Variants in ARHGEF4 observed in about 807,000 individuals in gnomAD.
The protein encoded by ARHGEF4 is APC-stimulated guanine nucleotide exchange factor 1.
A neutral mutation model predicts 162.0 loss-of-function variants in ARHGEF4; 119 were observed. The observed-to-expected ratio is 0.73, with a 90% CI of 0.63 to 0.86. The LOEUF (loss-of-function observed/expected upper bound fraction) is 0.86. Among genes scored for constraint, ARHGEF4 ranks in the 40% least tolerant of loss-of-function variants. The pLI is 0.00. For missense variants in ARHGEF4, 2,488 were observed against 2,456.0 expected (o/e 1.01, Z -0.28); for synonymous variants, 1,014 against 979.9 (o/e 1.03, Z -0.65).
intron 4 of ARHGEF4, among the ~76,000 whole-genome samples, chr2:130,995,698 C>T (rs1447987953): frequency 3.9e-5 from 6 of 152,094 alleles, no homozygotes; most frequent in Admixed American, 3.9e-4. Context: ...TACTTCGGTC[C>T]AATTTCTAAT....
At chr2:131,037,628 C>T (rs988231562) in intron 5 of ARHGEF4, among the ~76,000 whole-genome samples, 7 of 152,216 alleles carry the variant, frequency 4.6e-5, no homozygotes, top group Admixed American at 4.6e-4. Flanking sequence ...TCCTCCTCTC[C>T]TGCCCTAAGG....
intron 4 of ARHGEF4, chr2:130,963,799 AGCCGCGCGC>A (rs1165822825): frequency 1.8e-5 from 2 of 108,970 alleles, no homozygotes; most frequent in African/African-American, 6.8e-5. Context: ...CCTCGCTCCG[AGCCGCGCGC>A]GCCCCGCGCC....
chr2:131,014,698 C>T lies in ARHGEF4; in HGVS notation c.3986-13247C>T, dbSNP rs117497553. 5.6e-4 allele frequency among the ~76,000 whole-genome samples: 85 copies of T among 152,286 alleles called. 1 individual carries two copies. The East Asian group carries it at 0.015, about 26-fold the overall frequency. Reference sequence around the variant, plus strand: ...TCTCTTTCTCTCTGTGCCACACTTTCTTCTCTGGCATTTTAAAAGCAGTGG... The same window carrying T: ...TCTCTTTCTCTCTGTGCCACACTTTTTTCTCTGGCATTTTAAAAGCAGTGG... On this transcript the variant is annotated intron_variant, in intron 4 of 13. Transcript: ENST00000409359.
Position 130,916,349 on chromosome 2 carries a change from G to A in ARHGEF4, c.2403G>A (p.Arg801=), listed in dbSNP as rs1159734740. 4 of 1,542,994 alleles carry A rather than the reference G, an allele frequency of 2.6e-6. No homozygotes were observed. Among genetic ancestry groups the A allele is most frequent in the East Asian group, 4.9e-5 (2 of 40,622 alleles). The change falls in exon 2 of 14, where the codon AGG becomes AGA. Residue 801 remains arginine, a synonymous_variant. Coordinates refer to ENST00000409359, the MANE Select transcript of ARHGEF4 (RefSeq NM_001367493.1). Reference sequence around the variant, plus strand: ...CGTTTTCCAAGGTGACCTCCTTCAGGAAGGGCAGGCCCTTGGCCACTGAGA... The same window carrying A: ...CGTTTTCCAAGGTGACCTCCTTCAGAAAGGGCAGGCCCTTGGCCACTGAGA... ...RPTFSKVTSF[R]KGRPLATESP...
chr2:130,940,247 G>A (rs952666726), intron 3 of ARHGEF4, among the ~76,000 whole-genome samples: 1 of 152,144 alleles, frequency 6.6e-6, no homozygotes, highest in African/African-American at 2.4e-5. Flanking sequence ...CAGAGAGGAG[G>A]AGGTGGGTAA....
intron 1 of ARHGEF4, among the ~76,000 whole-genome samples, chr2:130,844,515 C>G (rs1218682409): frequency 6.6e-6 from 1 of 152,224 alleles, no homozygotes; most frequent in Non-Finnish European, 1.5e-5. Context: ...CGATTTGTCT[C>G]TCTTCCACAG....
chr2:130,989,558 T>C (rs1380204053), intron 4 of ARHGEF4, among the ~76,000 whole-genome samples: 1 of 152,186 alleles, frequency 6.6e-6, no homozygotes, highest in African/African-American at 2.4e-5. Context: ...AAAGAACAAG[T>C]GTCAAAACGG....
chr2:131,035,821 C>A, intron 5 of ARHGEF4: 1 of 985,384 alleles, frequency 1.0e-6, no homozygotes, highest in Non-Finnish European at 1.2e-6. Context: ...ACAGCTGCCC[C>A]CACCCTGCAC....
intron 4 of ARHGEF4, among the ~76,000 whole-genome samples, chr2:131,016,692 A>C (rs1461240492): frequency 6.6e-6 from 1 of 152,236 alleles, no homozygotes; most frequent in African/African-American, 2.4e-5. Flanking sequence ...ATGCAGACAC[A>C]ACCTGGGGGC....
intron 4 of ARHGEF4, among the ~76,000 whole-genome samples, chr2:131,020,829 T>G (rs1169479150): frequency 6.6e-6 from 1 of 152,200 alleles, no homozygotes; most frequent in Non-Finnish European, 1.5e-5. Flanking sequence ...GTGTTCCTAT[T>G]TCTCCACATC....
intron 11 of ARHGEF4, 23 bp downstream of exon 11, chr2:131,043,606 C>T (rs751302110): frequency 9.9e-6 from 16 of 1,613,196 alleles, no homozygotes; most frequent in Non-Finnish European, 1.3e-5. Context: ...CTCTGCCCTG[C>T]TGCCCCAAGT....
At chr2:130,991,790 C>T (rs890499136) in intron 4 of ARHGEF4, among the ~76,000 whole-genome samples, 19 of 152,376 alleles carry the variant, frequency 1.2e-4, no homozygotes, top group African/African-American at 3.8e-4. Flanking sequence ...TGCTCCACAG[C>T]GCCCAGTCCC....
At chr2:130,869,836 T>G (rs945803853) in intron 1 of ARHGEF4, among the ~76,000 whole-genome samples, 20 of 152,142 alleles carry the variant, frequency 1.3e-4, no homozygotes, top group African/African-American at 4.8e-4. Flanking sequence ...GGTTTTGTGT[T>G]TTCGGTGTTA....
rs539165131 is a variant in ARHGEF4, at chr2:130,949,240, G to A, written c.3985+2605G>A. The stretch of plus-strand genomic sequence containing the variant: ...TTGAAGCCATTAAGAACAGAAAATT[G>A]GGATTTTTGTAAAATTTTCTTGTTA... On this transcript the variant is annotated intron_variant, in intron 4 of 13. Coordinates refer to ENST00000409359, the MANE Select transcript of ARHGEF4 (RefSeq NM_001367493.1). Among the ~76,000 whole-genome samples the A allele has an allele frequency of 2.0e-5, 3 of 152,204 alleles. No homozygotes were observed. The South Asian group carries it at 6.2e-4, about 32-fold the overall frequency.
rs1157681666 is a variant in ARHGEF4, at chr2:131,043,465, T to C, written c.5039T>C (p.Leu1680Ser). The change falls in exon 11 of 14, where the codon TTG (leucine) becomes TCG (serine). Residue 1680 changes from leucine to serine, a missense_variant. By Grantham distance (145) the Leu-to-Ser change is moderately radical. Coordinates refer to ENST00000409359, the MANE Select transcript of ARHGEF4 (RefSeq NM_001367493.1). ...GGATCTTCCCAGGGAGAAGATCTCT[T>C]GGTCAGGAGCTCAGAACTCATCTAC... ...SIEDWEGEDL[L>S]VRSSELIYSG... The C allele has an allele frequency of 6.8e-6, 11 of 1,613,834 alleles. No individual in the cohort carries two copies. The highest frequency in any genetic ancestry group is 9.3e-6 in the Non-Finnish European group (11 of 1,180,008).
At chr2:130,919,383 TCAA>T (rs1240363612) in intron 2 of ARHGEF4, among the ~76,000 whole-genome samples, 1 of 152,202 alleles carries the variant, frequency 6.6e-6, no homozygotes, top group Non-Finnish European at 1.5e-5. Flanking sequence ...CAATCAACAC[TCAA>T]CAGCAGTATC....
chr2:131,017,897 A>G (rs1030092511), intron 4 of ARHGEF4, among the ~76,000 whole-genome samples: 1 of 152,234 alleles, frequency 6.6e-6, no homozygotes, highest in Non-Finnish European at 1.5e-5. Flanking sequence ...TGTAATTCCT[A>G]TCAAAATCTC....
intron 4 of ARHGEF4, among the ~76,000 whole-genome samples, chr2:130,991,795 A>G (rs952218077): frequency 1.3e-5 from 2 of 152,220 alleles, no homozygotes; most frequent in African/African-American, 4.8e-5. Flanking sequence ...CACAGCGCCC[A>G]GTCCCATCGA....
rs185487682 is a variant in ARHGEF4, at chr2:130,969,779, G to A, written c.3985+23144G>A. On this transcript the variant is annotated intron_variant, in intron 4 of 13. Coordinates refer to ENST00000409359, the MANE Select transcript of ARHGEF4 (RefSeq NM_001367493.1). ...GAAGAGTTTTATTGCCCCAGAACAT[G>A]AGTGAGGCCCTTTGTGGTCCATTCA... Among the ~76,000 whole-genome samples the A allele has an allele frequency of 1.4e-3, 217 of 152,216 alleles. 3 individuals are homozygous for A. The highest frequency in any genetic ancestry group is 5.0e-3 in the African/African-American group (208 of 41,520).
Sources: allele counts gnomAD v4.1 joint callset (sites outside exome capture counted in the v4.1 genomes callset), GRCh38; gene constraint gnomAD v4.1.1; transcripts MANE v1.5; gene names NCBI Gene and HGNC (gene_info 2026-07-23, HGNC 2026-07-21).